The following PTCH1 variants were observed in gnomAD, a reference collection of about 807,000 sequenced individuals.
The protein encoded by PTCH1 is protein patched homolog 1.
Under a neutral mutation model 144.6 loss-of-function variants are expected in PTCH1, and 14 were observed. That is an observed-to-expected ratio of 0.10 (90% CI 0.06 to 0.15). The LOEUF (loss-of-function observed/expected upper bound fraction) is 0.15, where lower values mean the gene tolerates loss of function less well. Among genes scored for constraint, PTCH1 ranks in the 10% least tolerant of loss-of-function variants. PTCH1 has a pLI of 1.00. For missense variants in PTCH1, 1,623 were observed against 1,948.3 expected, an observed-to-expected ratio of 0.83 and a Z score of 3.14; for synonymous variants, 833 against 793.6, an observed-to-expected ratio of 1.05 and a Z score of -0.83.
chr9:95,449,038 C>T lies in PTCH1; in HGVS notation c.3804+31G>A. 6.2e-7 allele frequency: 1 copy of T among 1,612,906 alleles called. No individual in the cohort carries two copies. The highest frequency in any genetic ancestry group is 1.1e-5 in the South Asian group (1 of 91,066). On this transcript the variant is annotated intron_variant, in intron 22 of 23. Transcript: ENST00000331920. This position sits in a 1 kb window ranked among gnomAD's most constrained non-coding sequence, Gnocchi z 5.3. Reference sequence around the variant, plus strand: ...CAGGCCCACTACCACGGTGGGAAGACCCCTCCCCCTGGTTCTGCAGAGTCA... The same window carrying T: ...CAGGCCCACTACCACGGTGGGAAGATCCCTCCCCCTGGTTCTGCAGAGTCA...
At chr9:95,511,428 C>A (rs1361055395), upstream of PTCH1, among the ~76,000 whole-genome samples, 2 of 152,244 alleles carry the variant, frequency 1.3e-5, no homozygotes, top group Admixed American at 6.5e-5. Context: ...GTATGCGGTG[C>A]CGGGGTCAGG....
chr9:95,488,095 G>T (rs1468593939), intron 2 of PTCH1, among the ~76,000 whole-genome samples: 3 of 152,170 alleles, frequency 2.0e-5, no homozygotes, highest in Non-Finnish European at 4.4e-5. Flanking sequence ...GACTCTTCCA[G>T]ACCAACCTCA....
intron 2 of PTCH1, among the ~76,000 whole-genome samples, chr9:95,491,361 C>T (rs1842395106): frequency 6.6e-6 from 1 of 152,214 alleles, no homozygotes; most frequent in Non-Finnish European, 1.5e-5. Context: ...GAGCCTCAGC[C>T]ACCTTTCCTG....
At position 95,458,407 on chromosome 9, in the gene PTCH1, T is replaced by C. The variant is rs1279870234; in HGVS notation, c.2888-114A>G. 2 of 1,345,256 alleles carry C rather than the reference T, an allele frequency of 1.5e-6. No homozygotes were observed. The highest frequency in any genetic ancestry group is 2.1e-6 in the Non-Finnish European group (2 of 963,188). 83.3% of individuals were successfully genotyped at this position (1,345,256 alleles called of 1,614,324 possible). ...GCTTACTGACTGCTCTTCTACATGA[T>C]ACAAAGAACAAACAATGCTGATCAT... is the stretch of plus-strand genomic sequence containing the variant. On this transcript the variant is annotated intron_variant, in intron 17 of 23. Transcript: ENST00000331920. This position sits in a 1 kb window ranked among gnomAD's most constrained non-coding sequence, Gnocchi z 4.7.
At chr9:95,513,203 T>A (rs1359124617), upstream of PTCH1, among the ~76,000 whole-genome samples, 1 of 152,252 alleles carries the variant, frequency 6.6e-6, no homozygotes, top group Non-Finnish European at 1.5e-5. Context: ...GGTGGAGTTA[T>A]GAAAAACCAC....
rs143974523 is a variant in PTCH1 at position 95,449,231 on chromosome 9, C to T, written c.3642G>A (p.Thr1214=). 45 of 1,590,858 alleles carry T rather than the reference C, an allele frequency of 2.8e-5. No homozygotes were observed. Among genetic ancestry groups the T allele is most frequent in the African/African-American group, 6.7e-5 (5 of 74,734 alleles). ...AGTCGGAGGAATCAGACCCGCTGTG[C>T]GTGTGGCCGGGCGGCATGGCGAAGC... ...VVRFAMPPGH[T]HSGSDSSDSE... The change falls in exon 22 of 24, where the codon ACG becomes ACA. Residue 1214 remains threonine, a synonymous_variant. Transcript: ENST00000331920. The surrounding 1 kb of genome is among the most constrained non-coding windows in gnomAD (Gnocchi z 5.3).
intron 1 of PTCH1, chr9:95,506,854 C>A: frequency 8.5e-7 from 1 of 1,179,474 alleles, no homozygotes; most frequent in Non-Finnish European, 1.0e-6. Flanking sequence ...GATCCCTGAG[C>A]GACTTGGGGC....
At position 95,460,295 on chromosome 9, in the gene PTCH1, A is replaced by G. The variant is rs1839349133; in HGVS notation, c.2704-512T>C. 2.0e-5 allele frequency among the ~76,000 whole-genome samples: 3 copies of G among 152,194 alleles called. No individual in the cohort carries two copies. The South Asian group carries it at 6.2e-4, about 32-fold the overall frequency. On this transcript the variant is annotated intron_variant, in intron 16 of 23. Coordinates refer to ENST00000331920, the MANE Select transcript of PTCH1 (RefSeq NM_000264.5). ...GGATTCAAAAAATGCCCAGCGCCAG[A>G]AAGTGCAAGGGACGAGTGCACACCC...
chr9:95,462,080 G>A (rs1839530639), intron 15 of PTCH1, 82 bp from the exon 16 acceptor site: 2 of 1,518,750 alleles, frequency 1.3e-6, no homozygotes, highest in South Asian at 2.2e-5. Context: ...TGAGGAGACT[G>A]AGCAGGGCAG....
rs914090288 is a variant in PTCH1 at position 95,449,250 on chromosome 9, G to A, written c.3623C>T (p.Ala1208Val). ...PEPPPSVVRF[A>V]MPPGHTHSGS... ...GCTGTGCGTGTGGCCGGGCGGCATG[G>A]CGAAGCGGACCACGCTGGGGGGTGG... The change falls in exon 22 of 24, where the codon GCC becomes GTC. Residue 1208 changes from alanine to valine, a missense_variant. Around this residue, in one of 7 missense-constraint regions of PTCH1, gnomAD observed 504 missense variants for 679.3 expected, o/e 0.74. Transcript: ENST00000331920. The surrounding 1 kb of genome is among the most constrained non-coding windows in gnomAD (Gnocchi z 5.3). 3.2e-6 allele frequency: 5 copies of A among 1,574,926 alleles called. No homozygotes were observed. Among genetic ancestry groups the A allele is most frequent in the East Asian group, 4.6e-5 (2 of 43,130 alleles).
At chr9:95,508,058 TGAGAGA>T in intron 1 of PTCH1, 97 bp downstream of exon 1, 1 of 1,501,630 alleles carries the variant, frequency 6.7e-7, no homozygotes, top group African/African-American at 1.4e-5. Flanking sequence ...TGTGTGTGTG[TGAGAGA>T]GAGAGGAAGA....
At chr9:95,493,523 A>C (rs1842574209) in intron 2 of PTCH1, among the ~76,000 whole-genome samples, 1 of 152,220 alleles carries the variant, frequency 6.6e-6, no homozygotes, top group African/African-American at 2.4e-5. Context: ...AGCCTCAAAA[A>C]GTCAATCAGT....
chr9:95,494,740 A>C (rs1268314467), intron 2 of PTCH1, among the ~76,000 whole-genome samples: 1 of 152,208 alleles, frequency 6.6e-6, no homozygotes, highest in Non-Finnish European at 1.5e-5. Context: ...GTTTTCATCA[A>C]GCTTAGTTGA....
At chr9:95,474,895 A>G (rs1482493740) in intron 12 of PTCH1, among the ~76,000 whole-genome samples, 2 of 152,156 alleles carry the variant, frequency 1.3e-5, no homozygotes, top group Non-Finnish European at 2.9e-5. Context: ...GCATCCTAAC[A>G]ACAAGTGAAA....
chr9:95,467,028 CT>C, intron 15 of PTCH1, 87 bp downstream of exon 15: 1 of 1,408,258 alleles, frequency 7.1e-7, no homozygotes, highest in Admixed American at 1.8e-5. Context: ...ACATTCTAAT[CT>C]AACGCTCTCA....
intron 2 of PTCH1, among the ~76,000 whole-genome samples, chr9:95,491,254 G>A (rs574241179): frequency 6.6e-6 from 1 of 152,244 alleles, no homozygotes; most frequent in African/African-American, 2.4e-5. Flanking sequence ...ATCAAGCTGG[G>A]GCCAGCTGTA....
intron 12 of PTCH1, among the ~76,000 whole-genome samples, chr9:95,472,032 C>A (rs529248741): frequency 1.3e-5 from 2 of 152,058 alleles, no homozygotes; most frequent in Admixed American, 1.3e-4. Context: ...AGTGAGACTC[C>A]GTCTCAAAAA....
rs1432530307 is a variant in PTCH1 at position 95,468,850 on chromosome 9, G to C, written c.2151C>G (p.Asp717Glu). 2 of 1,614,204 alleles carry C rather than the reference G, an allele frequency of 1.2e-6. No homozygotes were observed. The highest frequency in any genetic ancestry group is 1.7e-6 in the Non-Finnish European group (2 of 1,180,034). ...GGGGCTCGAGGCAGTGGAGGCTGGA[G>C]TCGGAGAACTGGGAGAGCAGGTCCC... ...STRDLLSQFS[D>E]SSLHCLEPPC... is the part of the protein sequence containing the mutation. Residue 717 changes from aspartate (D) to glutamate (E), a missense_variant, in exon 14 of 24, where the codon GAC becomes GAG. Physicochemically the swap from Asp to Glu is conservative, Grantham distance 45. This residue lies in a region of PTCH1 where 179 missense variants were observed against 165.7 expected (regional missense o/e 1.08). Transcript: ENST00000331920.
intron 2 of PTCH1, among the ~76,000 whole-genome samples, chr9:95,487,661 A>T (rs1842074786): frequency 6.6e-6 from 1 of 152,236 alleles, no homozygotes; most frequent in African/African-American, 2.4e-5. Context: ...CCCACCAAGG[A>T]GCTCAATGCA....
Sources: allele counts gnomAD v4.1 joint callset (sites outside exome capture counted in the v4.1 genomes callset), GRCh38; gene constraint gnomAD v4.1.1; regional missense constraint gnomAD v4.1.1; non-coding constraint Gnocchi (gnomAD v3.1); transcripts MANE v1.5; gene names NCBI Gene and HGNC (gene_info 2026-07-23, HGNC 2026-07-21).